Variants in MAD1L1 observed in about 807,000 individuals in gnomAD.
The protein encoded by MAD1L1 is mitotic arrest deficient 1 like 1, also known as mitotic spindle assembly checkpoint protein MAD1.
MAD1L1 carries 95 observed loss-of-function variants against 96.9 expected under a neutral mutation model. The observed-to-expected ratio is 0.98, with a 90% CI of 0.83 to 1.16. The LOEUF is 1.16. MAD1L1 is among the 50% of genes most tolerant of loss of function. MAD1L1 has a pLI of 0.00. For missense variants in MAD1L1, 1,007 were observed against 954.4 expected (o/e 1.06, Z -0.73); for synonymous variants, 473 against 396.6 (o/e 1.19, Z -2.29).
intron 10 of MAD1L1, among the ~76,000 whole-genome samples, chr7:2,157,512 T>C (rs1209823689): frequency 6.6e-6 from 1 of 152,050 alleles, no homozygotes; most frequent in South Asian, 2.1e-4. Context: ...TCCCCTACAG[T>C]CTCTGCTCAG....
intron 11 of MAD1L1, among the ~76,000 whole-genome samples, chr7:2,134,269 G>A (rs1788650871): frequency 6.6e-6 from 1 of 152,178 alleles, no homozygotes; most frequent in Admixed American, 6.5e-5. Flanking sequence ...AAATAGTACT[G>A]GGTGTTGATT....
intron 15 of MAD1L1, among the ~76,000 whole-genome samples, chr7:1,960,347 T>C (rs1197592628): frequency 6.6e-6 from 1 of 150,884 alleles, no homozygotes; most frequent in Non-Finnish European, 1.5e-5. Flanking sequence ...ACAAATTAGA[T>C]GTAAGTAGCC....
chr7:2,230,015 G>A lies in MAD1L1; in HGVS notation c.119C>T (p.Ser40Phe), dbSNP rs1307427359. 2.5e-6 allele frequency: 4 copies of A among 1,613,386 alleles called. No homozygotes were observed. Among genetic ancestry groups the A allele is most frequent in the Non-Finnish European group, 3.4e-6 (4 of 1,180,022 alleles). The change falls in exon 3 of 19, where the codon TCT (serine) becomes TTT (phenylalanine). Residue 40 changes from serine to phenylalanine, a missense_variant. Transcript: ENST00000265854. Reference protein sequence around the residue: ...GLDISTSAPGSLQMQYQQSMQ... With the variant: ...GLDISTSAPGFLQMQYQQSMQ... ...GCTCTGCTGGTACTGCATCTGCAGAGAACCTGGGGCCGAGGTAGAAATATC... is the reference window on the plus strand; with the variant it reads ...GCTCTGCTGGTACTGCATCTGCAGAAAACCTGGGGCCGAGGTAGAAATATC...
chr7:2,138,669 G>C (rs1170437654), intron 11 of MAD1L1, among the ~76,000 whole-genome samples: 1 of 152,166 alleles, frequency 6.6e-6, no homozygotes, highest in African/African-American at 2.4e-5. Flanking sequence ...AGGCCCAGGG[G>C]CCAAGCAAGC....
chr7:2,001,834 C>A lies in MAD1L1; in HGVS notation c.1416+231G>T, dbSNP rs531384787. ...TGTCACTGGCCCCCTGCCACAAACA[C>A]GGTGGTGGGGCCCGAGGGGCTGTGC... On this transcript the variant is annotated intron_variant, in intron 14 of 18. Coordinates refer to ENST00000265854, the MANE Select transcript of MAD1L1 (RefSeq NM_001013836.2). 2.3e-4 allele frequency among the ~76,000 whole-genome samples: 35 copies of A among 152,358 alleles called. No individual in the cohort carries two copies. The South Asian group carries it at 3.3e-3, about 14-fold the overall frequency.
intron 14 of MAD1L1, among the ~76,000 whole-genome samples, chr7:1,988,745 C>T (rs976755301): frequency 3.9e-5 from 6 of 152,334 alleles, no homozygotes; most frequent in Admixed American, 3.3e-4. Flanking sequence ...ACAGGATTCC[C>T]GGCGGCCAGG....
At chr7:1,989,657 G>C (rs1781317740) in intron 14 of MAD1L1, among the ~76,000 whole-genome samples, 1 of 152,180 alleles carries the variant, frequency 6.6e-6, no homozygotes, top group Non-Finnish European at 1.5e-5. Flanking sequence ...ACCAGCCCCA[G>C]CGTGGACCAG....
intron 11 of MAD1L1, among the ~76,000 whole-genome samples, chr7:2,138,448 G>A (rs1033118983): frequency 6.6e-6 from 1 of 152,196 alleles, no homozygotes; most frequent in African/African-American, 2.4e-5. Context: ...GGCCTAGAGA[G>A]ATGAGCACTT....
chr7:1,841,791 G>A (rs544464209), intron 18 of MAD1L1, among the ~76,000 whole-genome samples: 59 of 152,362 alleles, frequency 3.9e-4, no homozygotes, highest in African/African-American at 1.4e-3. Context: ...GTCCCCACCT[G>A]TGAAATGGGG....
At position 1,842,644 on chromosome 7, in the gene MAD1L1, G is replaced by A. The variant is rs533818651; in HGVS notation, c.1999-26416C>T. ...CTTCAGGTCCCCGAGGGAGGCCTTC[G>A]TCCTTCGTCCATCGCTGGGCCCATC... On this transcript the variant is annotated intron_variant, in intron 18 of 18. Coordinates refer to ENST00000265854, the MANE Select transcript of MAD1L1 (RefSeq NM_001013836.2). 4.3e-4 allele frequency among the ~76,000 whole-genome samples: 65 copies of A among 152,372 alleles called. No homozygotes were observed. In the East Asian group the frequency reaches 6.0e-3, roughly 14 times the overall value.
Position 1,884,443 on chromosome 7 carries a change from A to G in MAD1L1, c.1998+13757T>C, listed in dbSNP as rs545003642. ...GCCTCTGGCTGAGTTCCAGGCCTCA[A>G]TGCTCTTGAGGAGCAACGTTGGGTC... On this transcript the variant is annotated intron_variant, in intron 18 of 18. Coordinates refer to ENST00000265854, the MANE Select transcript of MAD1L1 (RefSeq NM_001013836.2). Among the ~76,000 whole-genome samples the G allele has an allele frequency of 2.6e-5, 4 of 152,288 alleles. No individual in the cohort carries two copies. The East Asian group carries it at 7.7e-4, about 29-fold the overall frequency.
chr7:1,862,997 CCA>C (rs1784603200), intron 18 of MAD1L1, among the ~76,000 whole-genome samples: 1 of 152,320 alleles, frequency 6.6e-6, no homozygotes, highest in South Asian at 2.1e-4. Context: ...TTGGGGAGAC[CCA>C]GAGCCTCCTC....
At chr7:1,965,686 G>GGCGGCAGGGAGCCT (rs759334096) in intron 15 of MAD1L1, among the ~76,000 whole-genome samples, 208 of 152,396 alleles carry the variant, frequency 1.4e-3, no homozygotes, top group Non-Finnish European at 2.7e-3. Context: ...GGGCTGCAGT[G>GGCGGCAGGGAGCCT]GCGGCAGGGA....
At chr7:2,218,365 C>T (rs1793405880) in intron 6 of MAD1L1, among the ~76,000 whole-genome samples, 1 of 152,184 alleles carries the variant, frequency 6.6e-6, no homozygotes, top group South Asian at 2.1e-4. Flanking sequence ...CCTGCGGCAA[C>T]CCCCAGCCCT....
At chr7:2,131,660 A>C (rs932579887) in intron 11 of MAD1L1, among the ~76,000 whole-genome samples, 1 of 152,108 alleles carries the variant, frequency 6.6e-6, no homozygotes, top group African/African-American at 2.4e-5. Flanking sequence ...CCAGGTTCTC[A>C]TCCAGAGAGC....
rs1450885360 is a variant in MAD1L1 at position 2,142,681 on chromosome 7, T to TGCCAAAGACCATTTACATCGAGTGGC, written c.1073+6445_1073+6470dup. Among the ~76,000 whole-genome samples the TGCCAAAGACCATTTACATCGAGTGGC allele has an allele frequency of 1.3e-5, 2 of 152,202 alleles. No individual in the cohort carries two copies. Among genetic ancestry groups the TGCCAAAGACCATTTACATCGAGTGGC allele is most frequent in the Non-Finnish European group, 2.9e-5 (2 of 68,024 alleles). On this transcript the variant is annotated intron_variant, in intron 11 of 18. Transcript: ENST00000265854. The surrounding 1 kb of genome is among the most constrained non-coding windows in gnomAD (Gnocchi z 4.7). ...AGACTCAGGCTGATTCCACACCTTCTGCCAAAGACCATTTACATCGAGTGG... is the reference window on the plus strand; with the variant it reads ...AGACTCAGGCTGATTCCACACCTTCTGCCAAAGACCATTTACATCGAGTGGCGCCAAAGACCATTTACATCGAGTGG...
intron 18 of MAD1L1, among the ~76,000 whole-genome samples, chr7:1,864,718 G>T (rs1430326524): frequency 6.6e-6 from 1 of 152,176 alleles, no homozygotes; most frequent in African/African-American, 2.4e-5. Flanking sequence ...GGCCGTGAGG[G>T]TGGGCCCTCG....
At chr7:1,861,321 C>T (rs1784535667) in intron 18 of MAD1L1, among the ~76,000 whole-genome samples, 1 of 152,218 alleles carries the variant, frequency 6.6e-6, no homozygotes. Context: ...TGAAGCTATC[C>T]TTTCCCAGTG....
chr7:2,039,320 G>C (rs1311472744), intron 12 of MAD1L1, among the ~76,000 whole-genome samples: 1 of 152,224 alleles, frequency 6.6e-6, no homozygotes, highest in African/African-American at 2.4e-5. Context: ...AAAGCTGCTA[G>C]GAAGAGTCCT....
Sources: gnomAD v4.1 joint callset for allele counts (sites outside exome capture counted in the v4.1 genomes callset) on GRCh38, gnomAD v4.1.1 for gene constraint, Gnocchi (gnomAD v3.1) non-coding constraint, MANE v1.5 for transcripts, NCBI Gene and HGNC (gene_info 2026-07-23, HGNC 2026-07-21) for gene names.